The following EEFSEC variants were observed in gnomAD, a reference collection of about 807,000 sequenced individuals.
EEFSEC encodes eukaryotic elongation factor, selenocysteine-tRNA specific.
In EEFSEC, 43 loss-of-function variants were observed where a neutral mutation model predicts 42.1. The ratio of observed to expected loss-of-function variants is 1.02; its 90% CI spans 0.80 to 1.32. The LOEUF (loss-of-function observed/expected upper bound fraction) is 1.32, where lower values mean the gene tolerates loss of function less well. Ranked by LOEUF, EEFSEC falls within the 40% of genes most tolerant of loss-of-function variation. The pLI is 0.00. For synonymous variants in EEFSEC, 354 were observed against 339.1 expected, an observed-to-expected ratio of 1.04 and a Z score of -0.48; for missense variants, 745 against 803.6, an observed-to-expected ratio of 0.93 and a Z score of 0.88.
intron 1 of EEFSEC, among the ~76,000 whole-genome samples, chr3:128,154,530 A>G (rs569424143): frequency 6.6e-6 from 1 of 151,900 alleles, no homozygotes; most frequent in East Asian, 1.9e-4. Flanking sequence ...GCTCACTGCA[A>G]CTTCCGCCTC....
intron 4 of EEFSEC, among the ~76,000 whole-genome samples, chr3:128,318,752 C>T (rs767822122): frequency 6.6e-6 from 1 of 152,222 alleles, no homozygotes; most frequent in Non-Finnish European, 1.5e-5. Context: ...AGACAGTATC[C>T]CACTCCTCTT....
chr3:128,236,123 G>A lies in EEFSEC; in HGVS notation c.317-10713G>A, dbSNP rs72973448. Among the ~76,000 whole-genome samples, 730 of 152,282 alleles carry A rather than the reference G, an allele frequency of 4.8e-3. 7 individuals carry two copies. The highest frequency in any genetic ancestry group is 0.02 in the Middle Eastern group (6 of 294). On this transcript the variant is annotated intron_variant, in intron 1 of 6. Transcript: ENST00000254730. The stretch of plus-strand genomic sequence containing the variant: ...GGGATTACGCAGCAACACCAGGCAC[G>A]CAACACCCCATCCGGCTAATTTTGT...
chr3:128,198,018 T>C (rs1329274029), intron 1 of EEFSEC, among the ~76,000 whole-genome samples: 1 of 152,154 alleles, frequency 6.6e-6, no homozygotes, highest in African/African-American at 2.4e-5. Context: ...CCCCTTCCCT[T>C]AACCTTTTGT....
At chr3:128,214,442 A>G (rs567252708) in intron 1 of EEFSEC, among the ~76,000 whole-genome samples, 1 of 152,252 alleles carries the variant, frequency 6.6e-6, no homozygotes, top group Non-Finnish European at 1.5e-5. Flanking sequence ...TTTCTGGAAC[A>G]TATCTTTAAT....
intron 1 of EEFSEC, among the ~76,000 whole-genome samples, chr3:128,184,186 T>C (rs1178987690): frequency 6.6e-5 from 10 of 152,242 alleles, no homozygotes; most frequent in Admixed American, 6.5e-4. Flanking sequence ...GATAACATAT[T>C]CATAATATAA....
chr3:128,199,524 T>C (rs896195872), intron 1 of EEFSEC, among the ~76,000 whole-genome samples: 1 of 152,198 alleles, frequency 6.6e-6, no homozygotes, highest in Non-Finnish European at 1.5e-5. Context: ...GGATATTCCC[T>C]TGTGTCTATT....
intron 6 of EEFSEC, among the ~76,000 whole-genome samples, chr3:128,386,791 G>C (rs773969567): frequency 1.6e-4 from 25 of 152,204 alleles, no homozygotes; most frequent in African/African-American, 5.8e-4. Flanking sequence ...TTAAACAACC[G>C]GCTCTCACAT....
chr3:128,416,799 C>T, the EEFSEC span, among the ~76,000 whole-genome samples: 2 of 152,144 alleles, frequency 1.3e-5, no homozygotes, highest in Admixed American at 1.3e-4. Flanking sequence ...GGGGTGAGGG[C>T]CATGCCGAGA....
intron 1 of EEFSEC, among the ~76,000 whole-genome samples, chr3:128,239,697 G>A (rs77968732): frequency 5.1e-4 from 78 of 152,318 alleles, no homozygotes; most frequent in African/African-American, 1.8e-3. Context: ...AACTAGAGTG[G>A]TAGACACCAC....
At chr3:128,362,585 T>C (rs947878271) in intron 6 of EEFSEC, among the ~76,000 whole-genome samples, 11 of 152,228 alleles carry the variant, frequency 7.2e-5, no homozygotes, top group Admixed American at 6.5e-5. Flanking sequence ...GGACAGTTCA[T>C]GTGTGTGTCT....
chr3:128,262,861 G>GCCACAGAGTTCCT (rs2066312746), intron 3 of EEFSEC, among the ~76,000 whole-genome samples: 1 of 152,186 alleles, frequency 6.6e-6, no homozygotes, highest in Non-Finnish European at 1.5e-5. Flanking sequence ...TGAGAATGGA[G>GCCACAGAGTTCCT]CCACAGAGTT....
chr3:128,290,668 A>G (rs528601073), intron 4 of EEFSEC, among the ~76,000 whole-genome samples: 2 of 152,134 alleles, frequency 1.3e-5, no homozygotes, highest in Admixed American at 1.3e-4. Context: ...ATTTCAATCC[A>G]TGAACATGGT....
chr3:128,387,668 AT>A (rs1245120987), intron 6 of EEFSEC, among the ~76,000 whole-genome samples: 2 of 152,098 alleles, frequency 1.3e-5, no homozygotes, highest in Non-Finnish European at 2.9e-5. Flanking sequence ...TGTGCTTAGC[AT>A]TGGATGGCAG....
chr3:128,308,824 A>G (rs1028669010), intron 4 of EEFSEC, among the ~76,000 whole-genome samples: 3 of 152,122 alleles, frequency 2.0e-5, no homozygotes, highest in Admixed American at 2.0e-4. Flanking sequence ...TGGATGGGAG[A>G]GCTCAAGACA....
chr3:128,339,338 A>G (rs961906672), intron 4 of EEFSEC, among the ~76,000 whole-genome samples: 2 of 152,132 alleles, frequency 1.3e-5, no homozygotes, highest in Non-Finnish European at 2.9e-5. Flanking sequence ...GGAGAAAATG[A>G]GTGTTCGTAC....
At position 128,264,838 on chromosome 3, in the gene EEFSEC, C is replaced by A. The variant is rs1576591349; in HGVS notation, c.786+57C>A. 8.9e-6 allele frequency: 14 copies of A among 1,566,704 alleles called. No homozygotes were observed. The East Asian group carries it at 2.9e-4, about 33-fold the overall frequency. ...CCTCGCTGGCAGCAAGGGAGGGGGACTGTCCCTTTGTCTGTTCAGCTGCTG... is the reference window on the plus strand; with the variant it reads ...CCTCGCTGGCAGCAAGGGAGGGGGAATGTCCCTTTGTCTGTTCAGCTGCTG... On this transcript the variant is annotated intron_variant, in intron 4 of 6. Coordinates refer to ENST00000254730, the MANE Select transcript of EEFSEC (RefSeq NM_021937.5).
chr3:128,262,631 A>G (rs1370632332), intron 3 of EEFSEC, among the ~76,000 whole-genome samples: 1 of 152,206 alleles, frequency 6.6e-6, no homozygotes, highest in East Asian at 1.9e-4. Flanking sequence ...GCTGGGGGCC[A>G]GTGAGGCAGG....
intron 6 of EEFSEC, among the ~76,000 whole-genome samples, chr3:128,387,475 G>A (rs1395246003): frequency 2.0e-5 from 3 of 152,176 alleles, no homozygotes; most frequent in African/African-American, 7.2e-5. Context: ...TGGGAAGTCT[G>A]GGGGGCGTCG....
At chr3:128,340,237 A>G (rs2067235294) in intron 4 of EEFSEC, among the ~76,000 whole-genome samples, 1 of 152,126 alleles carries the variant, frequency 6.6e-6, no homozygotes, top group Non-Finnish European at 1.5e-5. Context: ...TTCTTATGCT[A>G]AGGTCTTAGC....
Sources: gnomAD v4.1 joint callset for allele counts (sites outside exome capture counted in the v4.1 genomes callset) on GRCh38, gnomAD v4.1.1 for gene constraint, MANE v1.5 for transcripts, NCBI Gene and HGNC (gene_info 2026-07-23, HGNC 2026-07-21) for gene names.